MRPS6: variants seen among roughly 807,000 people sequenced by gnomAD.
MRPS6 encodes the protein small ribosomal subunit protein bS6m.
A neutral mutation model predicts 13.1 loss-of-function variants in MRPS6; 6 were observed. The observed-to-expected ratio is 0.46, with a 90% CI of 0.25 to 0.91. MRPS6 has a LOEUF of 0.91. MRPS6 is among the 40% of genes least tolerant of loss of function. MRPS6 has a pLI of 0.18. For missense variants in MRPS6, 164 were observed against 155.6 expected (o/e 1.05, Z -0.29); for synonymous variants, 61 against 56.5 (o/e 1.08, Z -0.36).
intron 2 of MRPS6, among the ~76,000 whole-genome samples, chr21:34,128,679 A>C (rs1171622523): frequency 6.6e-6 from 1 of 152,214 alleles, no homozygotes; most frequent in Admixed American, 6.5e-5. Context: ...CAGTGGAACA[A>C]CTTGATGGTT....
chr21:34,097,530 TA>T, intron 1 of MRPS6: 1 of 1,384,026 alleles, frequency 7.2e-7, no homozygotes, highest in South Asian at 1.9e-5. Flanking sequence ...TGGATTAAAG[TA>T]AATCTTCAAC....
chr21:34,073,828 C>T, intron 1 of MRPS6, 83 bp downstream of exon 1: 3 of 1,071,760 alleles, frequency 2.8e-6, no homozygotes, highest in South Asian at 3.4e-5. Flanking sequence ...GCGCCCTGGC[C>T]GCGGGACCCC....
Position 34,096,285 on chromosome 21 carries a change from C to T in MRPS6, c.45+22540C>T. The T allele has an allele frequency of 6.2e-7, 1 of 1,614,134 alleles. No homozygotes were observed. The highest frequency in any genetic ancestry group is 8.5e-7 in the Non-Finnish European group (1 of 1,180,016). On this transcript the variant is annotated intron_variant, in intron 1 of 2. Transcript: ENST00000399312. The surrounding 1 kb of genome is among the most constrained non-coding windows in gnomAD (Gnocchi z 5.9). ...GGTGATGAAGCTGGTTCCTGTGGGC[C>T]TTCGGGGTTTAATGATGGCAGTGAT...
intron 1 of MRPS6, chr21:34,097,519 A>G (rs893459285): frequency 7.9e-6 from 11 of 1,396,580 alleles, no homozygotes; most frequent in South Asian, 1.8e-5. Flanking sequence ...TTTCCCAGAG[A>G]TGGATTAAAG....
At chr21:34,085,768 A>G (rs1978339399) in intron 1 of MRPS6, among the ~76,000 whole-genome samples, 1 of 151,910 alleles carries the variant, frequency 6.6e-6, no homozygotes, top group African/African-American at 2.4e-5. Context: ...GCACCCAGCT[A>G]ATTTTTTGTA....
intron 1 of MRPS6, among the ~76,000 whole-genome samples, chr21:34,079,066 T>C (rs1301111266): frequency 6.6e-6 from 1 of 152,228 alleles, no homozygotes; most frequent in East Asian, 1.9e-4. Flanking sequence ...CAGCCTCTTA[T>C]CCTTTTTGTT....
In MRPS6 at chr21:34,096,236, C is replaced by T; in HGVS notation, c.45+22491C>T. ...TGGTGTGTGGAAGCAGAGCTGGTTG[C>T]TCCAATATTGCTTACCCACGCCTGG... On this transcript the variant is annotated intron_variant, in intron 1 of 2. Transcript: ENST00000399312. This position sits in a 1 kb window ranked among gnomAD's most constrained non-coding sequence, Gnocchi z 5.9. The T allele has an allele frequency of 6.2e-7, 1 of 1,614,176 alleles. No homozygotes were observed. The highest frequency in any genetic ancestry group is 8.5e-7 in the Non-Finnish European group (1 of 1,180,024).
rs555008305 is a variant in MRPS6, at chr21:34,119,139, T to C, written c.46-6202T>C. 3.7e-4 allele frequency among the ~76,000 whole-genome samples: 56 copies of C among 152,332 alleles called. No homozygotes were observed. The South Asian group carries it at 0.011, about 29-fold the overall frequency. On this transcript the variant is annotated intron_variant, in intron 1 of 2. Transcript: ENST00000399312. ...GACTGAAACTCCTGATTCAATAAAT[T>C]GTTGGGCAAAAGAGGTTCTCTACAA...
intron 1 of MRPS6, among the ~76,000 whole-genome samples, chr21:34,109,467 A>G (rs544191725): frequency 6.6e-6 from 1 of 152,310 alleles, no homozygotes; most frequent in South Asian, 2.1e-4. Context: ...GTGGGGAAAG[A>G]ACACAGGGGC....
At chr21:34,076,679 A>C (rs1395151671) in intron 1 of MRPS6, among the ~76,000 whole-genome samples, 3 of 152,250 alleles carry the variant, frequency 2.0e-5, no homozygotes, top group African/African-American at 4.8e-5. Context: ...TTTAGCGTGA[A>C]AAGTAGGTAA....
At chr21:34,082,427 C>A (rs942403125) in intron 1 of MRPS6, among the ~76,000 whole-genome samples, 26 of 152,070 alleles carry the variant, frequency 1.7e-4, no homozygotes, top group Admixed American at 1.6e-3. Flanking sequence ...TGAGTGATAT[C>A]TTGTTTTAGG....
At chr21:34,083,995 G>C (rs1828275261) in intron 1 of MRPS6, among the ~76,000 whole-genome samples, 1 of 152,156 alleles carries the variant, frequency 6.6e-6, no homozygotes, top group African/African-American at 2.4e-5. Flanking sequence ...CAATGCAAGA[G>C]GAAAATCCAG....
chr21:34,097,767 C>T (rs1006230084), intron 1 of MRPS6: 5 of 1,001,650 alleles, frequency 5.0e-6, no homozygotes, highest in Non-Finnish European at 6.0e-6. Flanking sequence ...TCTGTAATCC[C>T]TCCTACCATT....
intron 1 of MRPS6, chr21:34,097,100 G>A: frequency 6.2e-7 from 1 of 1,614,098 alleles, no homozygotes; most frequent in Non-Finnish European, 8.5e-7. Flanking sequence ...ACTCCAATGG[G>A]CAAGCAGCTC....
At chr21:34,117,825 T>C (rs1394448642) in intron 1 of MRPS6, among the ~76,000 whole-genome samples, 1 of 152,194 alleles carries the variant, frequency 6.6e-6, no homozygotes, top group Non-Finnish European at 1.5e-5. Context: ...AAATGACTTG[T>C]GCCATTTAAG....
chr21:34,126,279 GTC>G (rs2123256779), intron 2 of MRPS6, among the ~76,000 whole-genome samples: 1 of 152,358 alleles, frequency 6.6e-6, no homozygotes, highest in Admixed American at 6.5e-5. Context: ...CAGCAAGACA[GTC>G]TCTGCAGATG....
At chr21:34,129,214 C>G (rs1457307592) in intron 2 of MRPS6, among the ~76,000 whole-genome samples, 2 of 152,076 alleles carry the variant, frequency 1.3e-5, no homozygotes, top group Admixed American at 1.3e-4. Flanking sequence ...GTAACAGTCA[C>G]CCTTTGCCAG....
At chr21:34,136,725 C>T (rs925473433) in intron 2 of MRPS6, among the ~76,000 whole-genome samples, 7 of 152,206 alleles carry the variant, frequency 4.6e-5, no homozygotes, top group African/African-American at 1.7e-4. Flanking sequence ...ATTCGCAAAT[C>T]TTAGTGGCTT....
At chr21:34,115,919 CCTT>C (rs749139101) in intron 1 of MRPS6, among the ~76,000 whole-genome samples, 19 of 150,226 alleles carry the variant, frequency 1.3e-4, no homozygotes, top group Middle Eastern at 3.5e-3. Context: ...TCTACATAGT[CCTT>C]TTTTTTTTTT....
Sources: allele counts gnomAD v4.1 joint callset (sites outside exome capture counted in the v4.1 genomes callset), GRCh38; gene constraint gnomAD v4.1.1; non-coding constraint Gnocchi (gnomAD v3.1); transcripts MANE v1.5; gene names NCBI Gene and HGNC (gene_info 2026-07-23, HGNC 2026-07-21).